SLC25A21: variants seen among roughly 807,000 people sequenced by gnomAD.
SLC25A21 encodes solute carrier family 25 member 21, also known as mitochondrial 2-oxodicarboxylate carrier.
Under a neutral mutation model 43.8 loss-of-function variants are expected in SLC25A21, and 47 were observed. The observed-to-expected ratio is 1.07, with a 90% CI of 0.85 to 1.37. The LOEUF (loss-of-function observed/expected upper bound fraction) is 1.37, where lower values mean the gene tolerates loss of function less well. Ranked by LOEUF, SLC25A21 falls within the 40% of genes most tolerant of loss-of-function variation. The pLI, the probability that SLC25A21 is intolerant of heterozygous loss-of-function variation, is 0.00. For missense variants in SLC25A21, 352 were observed against 350.2 expected (o/e 1.00, Z -0.04); for synonymous variants, 131 against 121.3 (o/e 1.08, Z -0.52).
At chr14:36,879,342 T>C (rs1238698462) in intron 1 of SLC25A21, among the ~76,000 whole-genome samples, 4 of 152,200 alleles carry the variant, frequency 2.6e-5, no homozygotes, top group Non-Finnish European at 5.9e-5. Context: ...CAATAACAAG[T>C]AAACAAGAAT....
rs1030705544 is a variant in SLC25A21, at chr14:36,809,376, A to C, written c.203+4542T>G. Among the ~76,000 whole-genome samples, 6 of 152,340 alleles carry C rather than the reference A, an allele frequency of 3.9e-5. No individual in the cohort carries two copies. The East Asian group carries it at 1.2e-3, about 29-fold the overall frequency. On this transcript the variant is annotated intron_variant, in intron 3 of 9. Transcript: ENST00000331299. ...AAAACTAGCTAAGTATGAGGATTCCATATAATAGAAATCCTTACTTGGAGT... is the reference window on the plus strand; with the variant it reads ...AAAACTAGCTAAGTATGAGGATTCCCTATAATAGAAATCCTTACTTGGAGT...
intron 6 of SLC25A21, among the ~76,000 whole-genome samples, chr14:36,712,870 C>T (rs994229676): frequency 6.6e-6 from 1 of 152,180 alleles, no homozygotes; most frequent in South Asian, 2.1e-4. Context: ...TTGACTTTCA[C>T]CCCCAAATCA....
intron 1 of SLC25A21, among the ~76,000 whole-genome samples, chr14:36,912,706 A>G (rs1407464402): frequency 6.6e-6 from 1 of 152,214 alleles, no homozygotes; most frequent in Admixed American, 6.5e-5. Flanking sequence ...CAAGTGTTAG[A>G]CTTGCCAAGA....
chr14:36,844,761 C>T (rs1243549813), intron 2 of SLC25A21, among the ~76,000 whole-genome samples: 2 of 152,110 alleles, frequency 1.3e-5, no homozygotes, highest in Non-Finnish European at 2.9e-5. Flanking sequence ...AGGGTCATGC[C>T]GGATCCTAAT....
At chr14:36,960,052 T>A (rs949599395) in intron 1 of SLC25A21, among the ~76,000 whole-genome samples, 1 of 152,200 alleles carries the variant, frequency 6.6e-6, no homozygotes, top group South Asian at 2.1e-4. Flanking sequence ...GAGGTGGGCA[T>A]GAAACCCACA....
chr14:36,709,559 G>A (rs1409199213), intron 7 of SLC25A21, among the ~76,000 whole-genome samples: 2 of 152,082 alleles, frequency 1.3e-5, no homozygotes, highest in African/African-American at 2.4e-5. Flanking sequence ...GGCCAATCAA[G>A]GATTTCAGAC....
chr14:36,846,660 G>A (rs1348438201), intron 2 of SLC25A21, among the ~76,000 whole-genome samples: 2 of 152,142 alleles, frequency 1.3e-5, no homozygotes, highest in Non-Finnish European at 2.9e-5. Flanking sequence ...GGAATTACAG[G>A]CATGAGCTAC....
intron 3 of SLC25A21, 82 bp downstream of exon 3, chr14:36,813,836 G>A (rs1888357471): frequency 9.8e-7 from 1 of 1,022,160 alleles, no homozygotes; most frequent in African/African-American, 1.6e-5. Context: ...CCCCTAGTAA[G>A]ACTAGGAAAA....
intron 3 of SLC25A21, among the ~76,000 whole-genome samples, chr14:36,764,824 C>T (rs552408226): frequency 3.9e-5 from 6 of 152,228 alleles, no homozygotes; most frequent in Non-Finnish European, 5.9e-5. Flanking sequence ...ATGGCAGGTC[C>T]CCAGCAGGGT....
At chr14:37,069,448 G>C (rs959332197) in intron 1 of SLC25A21, among the ~76,000 whole-genome samples, 3 of 152,144 alleles carry the variant, frequency 2.0e-5, no homozygotes, top group African/African-American at 7.2e-5. Context: ...CATATGCGTA[G>C]ACATCCTTTA....
chr14:37,034,238 G>A (rs772586659), intron 1 of SLC25A21, among the ~76,000 whole-genome samples: 2 of 151,982 alleles, frequency 1.3e-5, no homozygotes, highest in Non-Finnish European at 2.9e-5. Context: ...GGCTTGTCTC[G>A]AATTCCTGAC....
intron 1 of SLC25A21, among the ~76,000 whole-genome samples, chr14:36,954,526 A>T (rs1959282438): frequency 6.6e-6 from 1 of 151,668 alleles, no homozygotes; most frequent in Non-Finnish European, 1.5e-5. Flanking sequence ...TTTAATTGGA[A>T]TTATATTTTT....
rs1031448693 is a variant in SLC25A21, at chr14:37,169,198, T to C, written c.70+3083A>G. On this transcript the variant is annotated intron_variant, in intron 1 of 9. Transcript: ENST00000331299. ...CTATGGGCACAGGGAGCTGGCACCA[T>C]GATGTCTTGCTTTTGCTGTCTGTAT... 1.1e-3 allele frequency among the ~76,000 whole-genome samples: 168 copies of C among 152,278 alleles called. 1 individual carries two copies. Among genetic ancestry groups the C allele is most frequent in the African/African-American group, 3.8e-3 (158 of 41,564 alleles).
At chr14:37,124,847 T>C (rs1963270282) in intron 1 of SLC25A21, among the ~76,000 whole-genome samples, 1 of 152,194 alleles carries the variant, frequency 6.6e-6, no homozygotes, top group Non-Finnish European at 1.5e-5. Flanking sequence ...TACCTCTCTC[T>C]CTTGCTCCTG....
rs994095928 is a variant in SLC25A21 at position 37,070,825 on chromosome 14, T to C, written c.70+101456A>G. On this transcript the variant is annotated intron_variant, in intron 1 of 9. Transcript: ENST00000331299. ...GAATGAAGAAGGGCTTTGGGTGAAA[T>C]GGTGCTTGTCAGTGAAGATAGGGTG... is the stretch of plus-strand genomic sequence containing the variant. Among the ~76,000 whole-genome samples the C allele has an allele frequency of 2.6e-5, 4 of 152,218 alleles. No homozygotes were observed. The South Asian group carries it at 6.2e-4, about 24-fold the overall frequency.
intron 2 of SLC25A21, among the ~76,000 whole-genome samples, chr14:36,826,200 TC>T (rs953826268): frequency 6.6e-6 from 1 of 152,166 alleles, no homozygotes; most frequent in African/African-American, 2.4e-5. Flanking sequence ...TTTGTCTTAT[TC>T]TTGCTTGCCT....
chr14:36,917,153 C>T lies in SLC25A21; in HGVS notation c.71-42149G>A, dbSNP rs182989316. 3.9e-3 allele frequency among the ~76,000 whole-genome samples: 588 copies of T among 152,198 alleles called. 1 individual carries two copies. Among genetic ancestry groups the T allele is most frequent in the Non-Finnish European group, 6.5e-3 (445 of 68,000 alleles). ...GTTTCTTTTTATTTTTCATACATAC[C>T]TGATATTACTGTTCCATTACATATC... On this transcript the variant is annotated intron_variant, in intron 1 of 9. Transcript: ENST00000331299.
chr14:37,111,008 A>G (rs1466604455), intron 1 of SLC25A21, among the ~76,000 whole-genome samples: 4 of 152,186 alleles, frequency 2.6e-5, no homozygotes, highest in Non-Finnish European at 4.4e-5. Context: ...TGCAAAATAC[A>G]GTGGAATAAT....
chr14:37,113,575 CG>C (rs1354840500), intron 1 of SLC25A21, among the ~76,000 whole-genome samples: 2 of 152,008 alleles, frequency 1.3e-5, no homozygotes, highest in Non-Finnish European at 2.9e-5. Context: ...AATGTTAGAC[CG>C]GGAGTGTTGG....
Sources: allele counts gnomAD v4.1 joint callset (sites outside exome capture counted in the v4.1 genomes callset), GRCh38; gene constraint gnomAD v4.1.1; transcripts MANE v1.5; gene names NCBI Gene and HGNC (gene_info 2026-07-23, HGNC 2026-07-21).